The following MKRN2OS variants were observed in gnomAD, a reference collection of about 807,000 sequenced individuals.
MKRN2OS encodes MKRN2 opposite strand.
Under a neutral mutation model 18.2 loss-of-function variants are expected in MKRN2OS, and 17 were observed. The observed-to-expected ratio is 0.93, with a 90% CI of 0.64 to 1.40. The LOEUF (loss-of-function observed/expected upper bound fraction) is 1.40, where lower values mean the gene tolerates loss of function less well. MKRN2OS is among the 40% of genes most tolerant of loss of function. The probability of loss-of-function intolerance (pLI) is 0.00; values close to 1 mark genes in which losing one functional copy is unlikely to be tolerated. For missense variants in MKRN2OS, 337 were observed against 283.0 expected, an observed-to-expected ratio of 1.19 and a Z score of -1.37; for synonymous variants, 121 against 108.5, an observed-to-expected ratio of 1.12 and a Z score of -0.72.
At position 12,545,228 on chromosome 3, in the gene MKRN2OS, A is replaced by G. The variant is rs1559381517; in HGVS notation, c.218+19T>C. On this transcript the variant is annotated intron_variant, in intron 1 of 3. Coordinates refer to ENST00000564146, the MANE Select transcript of MKRN2OS (RefSeq NM_001195279.2). ...AAAAGTTTGCACAATGCAATTTAAC[A>G]CTGTAAAAAACACTGTACCTAAGAA... 4.7e-6 allele frequency: 7 copies of G among 1,500,478 alleles called. No homozygotes were observed. Among genetic ancestry groups the G allele is most frequent in the Non-Finnish European group, 6.2e-6 (7 of 1,121,814 alleles). 92.9% of individuals were successfully genotyped at this position (1,500,478 alleles called of 1,614,324 possible). A position where few individuals can be genotyped will look rare whatever the true frequency, so the allele number is the denominator to read the frequency against.
rs972783620 is a variant in MKRN2OS, at chr3:12,540,266, C to T, written c.599G>A (p.Arg200Gln). The stretch of plus-strand genomic sequence containing the variant: ...GTCAGTGACGTAGAAGCCATGCTCC[C>T]GTATCGCCCGGTAGAGTGTGATGAA... ...SKFITLYRAI[R>Q]EHGFYVTDCP... The change falls in exon 4 of 4, where the codon CGG (arginine) becomes CAG (glutamine). Residue 200 changes from arginine to glutamine, a missense_variant. Physicochemically the swap from Arg to Gln is conservative, Grantham distance 43. Coordinates refer to ENST00000564146, the MANE Select transcript of MKRN2OS (RefSeq NM_001195279.2). The T allele has an allele frequency of 6.1e-5, 94 of 1,536,012 alleles. No homozygotes were observed. The highest frequency in any genetic ancestry group is 1.1e-4 in the African/African-American group (8 of 73,048).
intron 1 of MKRN2OS, among the ~76,000 whole-genome samples, chr3:12,556,332 C>A (rs1341221713): frequency 6.6e-6 from 1 of 150,688 alleles, no homozygotes; most frequent in African/African-American, 2.4e-5. Context: ...GCCTGGGCAA[C>A]AAGAGAGAAA....
chr3:12,557,342 G>C (rs547231657), intron 1 of MKRN2OS, among the ~76,000 whole-genome samples: 1 of 152,374 alleles, frequency 6.6e-6, no homozygotes, highest in African/African-American at 2.4e-5. Context: ...TGCCGCCACA[G>C]CCGGGGATCC....
At chr3:12,551,194 TA>T (rs56389348), downstream of MKRN2OS, among the ~76,000 whole-genome samples, 55,892 of 136,746 alleles carry the variant, frequency 0.41, 11,643 homozygotes, top group African/African-American at 0.59. Flanking sequence ...TACACTTTAT[TA>T]AAAAAAAAAA....
At chr3:12,554,133 TC>T (rs2057948785) in exon 2 of MKRN2OS, 1 of 152,206 alleles carries the variant, frequency 6.6e-6, no homozygotes, top group Non-Finnish European at 1.5e-5. Context: ...AAGTTGCTTT[TC>T]CTAAGGGGCG....
chr3:12,551,964 G>A (rs1356282266), downstream of MKRN2OS, among the ~76,000 whole-genome samples: 1 of 151,802 alleles, frequency 6.6e-6, no homozygotes, highest in Non-Finnish European at 1.5e-5. Context: ...AAAAAATCAA[G>A]ATGATACATT....
chr3:12,560,890 C>G (rs565203874), exon 1 of MKRN2OS: 47 of 152,316 alleles, frequency 3.1e-4, no homozygotes, highest in African/African-American at 1.1e-3. Flanking sequence ...GTTGGAAATT[C>G]ATTACAAAGC....
intron 1 of MKRN2OS, among the ~76,000 whole-genome samples, chr3:12,558,642 C>T (rs1342463961): frequency 6.6e-6 from 1 of 152,184 alleles, no homozygotes; most frequent in Non-Finnish European, 1.5e-5. Context: ...TAAAATTTTA[C>T]ACCTTAGTAG....
At chr3:12,543,789 G>A (rs1032962862) in intron 1 of MKRN2OS, among the ~76,000 whole-genome samples, 5 of 151,294 alleles carry the variant, frequency 3.3e-5, no homozygotes, top group Non-Finnish European at 5.9e-5. Context: ...CTACTCGGAT[G>A]ACTGAGACAC....
At chr3:12,541,248 A>C (rs942908816) in intron 3 of MKRN2OS, among the ~76,000 whole-genome samples, 2 of 152,062 alleles carry the variant, frequency 1.3e-5, no homozygotes, top group African/African-American at 4.8e-5. Flanking sequence ...TGGTGAGACG[A>C]AGTCTTACTC....
At position 12,543,841 on chromosome 3, in the gene MKRN2OS, G is replaced by A. The variant is rs563741477; in HGVS notation, c.219-612C>T. Reference sequence around the variant, plus strand: ...TGGGAGGCGGAGGTGGCAGTGAGCCGAGATTGCACCACTGCACTCCACCCT... The same window carrying A: ...TGGGAGGCGGAGGTGGCAGTGAGCCAAGATTGCACCACTGCACTCCACCCT... On this transcript the variant is annotated intron_variant, in intron 1 of 3. Transcript: ENST00000564146. Among the ~76,000 whole-genome samples the A allele has an allele frequency of 5.3e-4, 75 of 141,430 alleles. 2 individuals are homozygous for A. The South Asian group carries it at 8.0e-3, about 15-fold the overall frequency. 92.8% of individuals were successfully genotyped at this position (141,430 alleles called of 152,430 possible).
At chr3:12,547,023 G>A (rs1265399431), upstream of MKRN2OS, among the ~76,000 whole-genome samples, 2 of 152,154 alleles carry the variant, frequency 1.3e-5, no homozygotes, top group African/African-American at 4.8e-5. Context: ...TGGGAGGAGT[G>A]CTTGAGCCTG....
At chr3:12,553,363 A>T (rs984579145), downstream of MKRN2OS, among the ~76,000 whole-genome samples, 1 of 152,178 alleles carries the variant, frequency 6.6e-6, no homozygotes, top group Non-Finnish European at 1.5e-5. Flanking sequence ...TTAACATTAA[A>T]AATCAATCAG....
chr3:12,551,747 C>T (rs2057931292), downstream of MKRN2OS, among the ~76,000 whole-genome samples: 1 of 151,594 alleles, frequency 6.6e-6, no homozygotes, highest in Non-Finnish European at 1.5e-5. Context: ...ACCAGCCTGG[C>T]CAATATGGTG....
rs185962226 is a variant in MKRN2OS, at chr3:12,541,721, G to A, written c.431+139C>T. On this transcript the variant is annotated intron_variant, in intron 3 of 3. Coordinates refer to ENST00000564146, the MANE Select transcript of MKRN2OS (RefSeq NM_001195279.2). ...GTAGTTCAACCTCTGTTTAAATTCTGTTAGAGATGCTAATATGTCTGTATC... is the reference window on the plus strand; with the variant it reads ...GTAGTTCAACCTCTGTTTAAATTCTATTAGAGATGCTAATATGTCTGTATC... The A allele has an allele frequency of 1.8e-3, 1,714 of 933,344 alleles. 20 individuals carry two copies. The Admixed American group carries it at 0.028, about 15-fold the overall frequency. 57.8% of individuals were successfully genotyped at this position (933,344 alleles called of 1,614,324 possible).
intron 3 of MKRN2OS, 57 bp from the exon 4 acceptor site, chr3:12,540,490 A>T: frequency 1.3e-6 from 2 of 1,532,210 alleles, no homozygotes; most frequent in African/African-American, 2.7e-5. Flanking sequence ...CAGGCTGTCA[A>T]GCTACTGAAG....
chr3:12,543,813 AC>A (rs1157457291), intron 1 of MKRN2OS, among the ~76,000 whole-genome samples: 1 of 150,834 alleles, frequency 6.6e-6, no homozygotes. Flanking sequence ...AATCGCTTGA[AC>A]CTGGGAGGCG....
intron 1 of MKRN2OS, among the ~76,000 whole-genome samples, chr3:12,558,220 T>G (rs2058000101): frequency 6.6e-6 from 1 of 152,200 alleles, no homozygotes; most frequent in Non-Finnish European, 1.5e-5. Context: ...TTAGTGTACA[T>G]TTACTGTTCA....
rs747730371 is a variant in MKRN2OS, at chr3:12,540,272, G to T, written c.593C>A (p.Ala198Glu). 4.0e-5 allele frequency: 62 copies of T among 1,535,978 alleles called. No homozygotes were observed. Among genetic ancestry groups the T allele is most frequent in the South Asian group, 2.5e-4 (21 of 84,064 alleles). ...LASKFITLYRAIREHGFYVTD... is the reference protein window; with the variant it reads ...LASKFITLYREIREHGFYVTD... The stretch of plus-strand genomic sequence containing the variant: ...GACGTAGAAGCCATGCTCCCGTATC[G>T]CCCGGTAGAGTGTGATGAACTTGGA... Residue 198 changes from alanine (A) to glutamate (E), a missense_variant, in exon 4 of 4, where the codon GCG (alanine) becomes GAG (glutamate). Coordinates refer to ENST00000564146, the MANE Select transcript of MKRN2OS (RefSeq NM_001195279.2).
Sources: allele counts gnomAD v4.1 joint callset (sites outside exome capture counted in the v4.1 genomes callset), GRCh38; gene constraint gnomAD v4.1.1; transcripts MANE v1.5; gene names NCBI Gene and HGNC (gene_info 2026-07-23, HGNC 2026-07-21).